CEP126: variants seen among roughly 807,000 people sequenced by gnomAD.
CEP126 encodes the protein centrosomal protein of 126 kDa.
In CEP126, 74 loss-of-function variants were observed where a neutral mutation model predicts 107.8. The observed-to-expected ratio is 0.69, with a 90% CI of 0.57 to 0.83. The LOEUF (loss-of-function observed/expected upper bound fraction) is 0.83. CEP126 is among the 40% of genes least tolerant of loss of function. CEP126 has a pLI of 0.00. For missense variants in CEP126, 1,237 were observed against 1,281.9 expected (o/e 0.96, Z 0.53); for synonymous variants, 449 against 446.0 (o/e 1.01, Z -0.08).
At position 101,949,287 on chromosome 11, in the gene CEP126, T is replaced by C. The variant is rs181603344; in HGVS notation, c.506+1145T>C. Among the ~76,000 whole-genome samples, 15 of 152,178 alleles carry C rather than the reference T, an allele frequency of 9.9e-5. No homozygotes were observed. The East Asian group carries it at 1.5e-3, about 16-fold the overall frequency. On this transcript the variant is annotated intron_variant, in intron 4 of 10. Coordinates refer to ENST00000263468, the MANE Select transcript of CEP126 (RefSeq NM_020802.4). ...CTTTATCTTGAGAGTTTAAGAGGAG[T>C]CAATGAATAATTTTAGGCAAATTAG...
chr11:101,987,087 T>C (rs767109791), intron 9 of CEP126, 46 bp downstream of exon 9: 1 of 1,248,846 alleles, frequency 8.0e-7, no homozygotes, highest in South Asian at 1.3e-5. Context: ...GCATTTATAC[T>C]TAGACAATTT....
chr11:101,953,300 A>G (rs1187818386), intron 4 of CEP126, among the ~76,000 whole-genome samples: 1 of 152,200 alleles, frequency 6.6e-6, no homozygotes, highest in Non-Finnish European at 1.5e-5. Context: ...ACCATAATCA[A>G]TGTGCCTTGT....
intron 1 of CEP126, chr11:101,916,178 G>A (rs991592784): frequency 1.3e-5 from 2 of 152,226 alleles, no homozygotes; most frequent in Admixed American, 6.5e-5. Context: ...ATGGTGTTGT[G>A]TAATCATCTT....
rs537717902 is a variant in CEP126 at position 101,958,088 on chromosome 11, C to T, written c.507-80C>T. On this transcript the variant is annotated intron_variant, in intron 4 of 10. Coordinates refer to ENST00000263468, the MANE Select transcript of CEP126 (RefSeq NM_020802.4). Reference sequence around the variant, plus strand: ...CTGGACAAACACACACGTATTACACCTAATGTGTCATGTATATACATATAG... The same window carrying T: ...CTGGACAAACACACACGTATTACACTTAATGTGTCATGTATATACATATAG... 2.6e-4 allele frequency: 304 copies of T among 1,162,818 alleles called. 2 individuals are homozygous for T. In the South Asian group the frequency reaches 3.8e-3, roughly 15 times the overall value. 72.0% of individuals were successfully genotyped at this position (1,162,818 alleles called of 1,614,324 possible).
At chr11:101,916,588 A>G (rs1466911623) in intron 1 of CEP126, 2 of 152,154 alleles carry the variant, frequency 1.3e-5, no homozygotes, top group African/African-American at 2.4e-5. Context: ...GCCCTCTTAA[A>G]GGTTACTCTG....
At chr11:101,952,051 C>T (rs1303928810) in intron 4 of CEP126, among the ~76,000 whole-genome samples, 1 of 152,132 alleles carries the variant, frequency 6.6e-6, no homozygotes. Flanking sequence ...TGAGTGAACA[C>T]TTCTCAAAGT....
At chr11:101,997,542 G>C in intron 10 of CEP126, 57 bp from the exon 11 acceptor site, 1 of 1,612,970 alleles carries the variant, frequency 6.2e-7, no homozygotes, top group Non-Finnish European at 8.5e-7. Flanking sequence ...AGCCTAGTTT[G>C]TAGCTGCAGT....
chr11:101,961,676 T>C, intron 5 of CEP126, 65 bp from the exon 6 acceptor site: 1 of 880,100 alleles, frequency 1.1e-6, no homozygotes, highest in East Asian at 2.5e-5. Context: ...CAATGGTATG[T>C]TGAATCGTTA....
intron 2 of CEP126, among the ~76,000 whole-genome samples, chr11:101,938,174 A>AAC (rs1253729040): frequency 2.1e-5 from 3 of 144,856 alleles, no homozygotes; most frequent in African/African-American, 5.1e-5. Context: ...AAAAAAAAAA[A>AAC]AATACAAGAA....
intron 2 of CEP126, among the ~76,000 whole-genome samples, chr11:101,938,071 T>G: frequency 6.8e-6 from 1 of 147,522 alleles, no homozygotes; most frequent in African/African-American, 2.5e-5. Flanking sequence ...GAGAATGGCG[T>G]GAACCCGGGA....
At chr11:101,984,027 C>T (rs1343860644) in intron 8 of CEP126, among the ~76,000 whole-genome samples, 1 of 152,200 alleles carries the variant, frequency 6.6e-6, no homozygotes, top group African/African-American at 2.4e-5. Context: ...TTCTTTTCAT[C>T]CTCCAGCTGA....
At chr11:101,931,787 C>G (rs1368827367) in intron 2 of CEP126, among the ~76,000 whole-genome samples, 1 of 152,216 alleles carries the variant, frequency 6.6e-6, no homozygotes, top group Non-Finnish European at 1.5e-5. Flanking sequence ...CTAAATACTA[C>G]TTCCTAGGTT....
Position 101,962,633 on chromosome 11 carries a change from C to A in CEP126, c.1598C>A (p.Ser533Ter). Residue 533 changes from serine (S) to a stop codon, truncating the protein, a stop_gained, in exon 6 of 11, where the codon TCA becomes TAA. Coordinates refer to ENST00000263468, the MANE Select transcript of CEP126 (RefSeq NM_020802.4). LOFTEE classifies it high-confidence loss of function. ...GCCTATATACCTCACAATCCTGATTCAAAAGATGAAAAACAAAAATTAGCT... is the reference window on the plus strand; with the variant it reads ...GCCTATATACCTCACAATCCTGATTAAAAAGATGAAAAACAAAAATTAGCT... ...QDAYIPHNPD[S>*]KDEKQKLAET... 6.2e-7 allele frequency: 1 copy of A among 1,612,776 alleles called. No homozygotes were observed. The highest frequency in any genetic ancestry group is 1.1e-5 in the South Asian group (1 of 90,656).
Position 101,985,617 on chromosome 11 carries a change from C to T in CEP126, c.3035-1215C>T, listed in dbSNP as rs374329977. Among the ~76,000 whole-genome samples, 41 of 152,236 alleles carry T rather than the reference C, an allele frequency of 2.7e-4. No individual in the cohort carries two copies. The East Asian group carries it at 4.6e-3, about 17-fold the overall frequency. ...GTTTAAACCTAGGTCTCATCACCAA[C>T]ATATCTCATGTGTATGCAAATATCC... On this transcript the variant is annotated intron_variant, in intron 8 of 10. Transcript: ENST00000263468.
chr11:101,956,569 A>G (rs2137106819), intron 4 of CEP126: 1 of 456,028 alleles, frequency 2.2e-6, no homozygotes, highest in Middle Eastern at 3.3e-4. Flanking sequence ...CCTTTTCTTC[A>G]GCCTGTATAC....
intron 2 of CEP126, among the ~76,000 whole-genome samples, chr11:101,925,881 C>G (rs1940400978): frequency 6.7e-6 from 1 of 149,368 alleles, no homozygotes; most frequent in Non-Finnish European, 1.5e-5. Context: ...TCTCGAACTC[C>G]TGGACTCAAG....
In CEP126 at chr11:101,963,626, C is replaced by T. The variant is rs369949739; in HGVS notation, c.2591C>T (p.Ala864Val). 1 of 1,614,128 alleles carries T rather than the reference C, an allele frequency of 6.2e-7. No individual in the cohort carries two copies. The highest frequency in any genetic ancestry group is 8.5e-7 in the Non-Finnish European group (1 of 1,179,998). ...NQESSSPLSN[A>V]CSDLVTVIPS... ...GAAAGTAGTTCTCCACTCTCAAATG[C>T]TTGTTCTGACCTAGTCACTGTGATA... The change falls in exon 6 of 11, where the codon GCT becomes GTT. Residue 864 changes from alanine (A) to valine (V), a missense_variant. Physicochemically the swap from Ala to Val is moderately conservative, Grantham distance 64. Coordinates refer to ENST00000263468, the MANE Select transcript of CEP126 (RefSeq NM_020802.4).
At position 101,998,568 on chromosome 11, in the gene CEP126, G is replaced by A. The variant is rs1941469481; in HGVS notation, c.*925G>A. The A allele has an allele frequency of 8.2e-6, 1 of 121,356 alleles. No homozygotes were observed. The highest frequency in any genetic ancestry group is 3.0e-4 in the South Asian group (1 of 3,380). 7.5% of individuals were successfully genotyped at this position (121,356 alleles called of 1,614,324 possible). ...GTGTTTCGCCACTGCACACCAGCCTGGGTGACAGTGTGAGACCCAGCCTCA... is the reference window on the plus strand; with the variant it reads ...GTGTTTCGCCACTGCACACCAGCCTAGGTGACAGTGTGAGACCCAGCCTCA... On this transcript the variant is annotated 3_prime_UTR_variant, in exon 11 of 11. Transcript: ENST00000263468.
chr11:101,971,925 A>G (rs1041968309), intron 6 of CEP126, among the ~76,000 whole-genome samples: 1 of 152,094 alleles, frequency 6.6e-6, no homozygotes, highest in East Asian at 1.9e-4. Context: ...CCTGGCCAAC[A>G]TGGTGAAACC....
Sources: gnomAD v4.1 joint callset for allele counts (sites outside exome capture counted in the v4.1 genomes callset) on GRCh38, gnomAD v4.1.1 for gene constraint, MANE v1.5 for transcripts, NCBI Gene and HGNC (gene_info 2026-07-23, HGNC 2026-07-21) for gene names.